Variants in CDH6 observed in about 807,000 individuals in gnomAD.
CDH6 encodes cadherin 6, also known as cadherin-6.
A neutral mutation model predicts 78.0 loss-of-function variants in CDH6; 31 were observed. That is an observed-to-expected ratio of 0.40 (90% CI 0.30 to 0.54). CDH6 has a LOEUF of 0.54. CDH6 is among the 20% of genes least tolerant of loss of function. The probability of loss-of-function intolerance (pLI) is 0.56; values close to 1 mark genes in which losing one functional copy is unlikely to be tolerated. For synonymous variants in CDH6, 376 were observed against 368.8 expected (o/e 1.02, Z -0.23); for missense variants, 724 against 975.9 (o/e 0.74, Z 3.44).
intron 1 of CDH6, among the ~76,000 whole-genome samples, chr5:31,244,933 G>A (rs887452259): frequency 6.6e-6 from 1 of 152,204 alleles, no homozygotes; most frequent in Admixed American, 6.6e-5. Flanking sequence ...ACAAACAGCA[G>A]CTTGAACAGC....
intron 2 of CDH6, among the ~76,000 whole-genome samples, chr5:31,278,446 G>A (rs891634178): frequency 2.0e-5 from 3 of 152,124 alleles, no homozygotes; most frequent in Non-Finnish European, 4.4e-5. Context: ...ATGAAAGCTG[G>A]TTCCTTTGAG....
intron 1 of CDH6, chr5:31,249,478 C>CA (rs1245291634): frequency 2.6e-5 from 4 of 152,178 alleles, no homozygotes; most frequent in Admixed American, 6.5e-5. Flanking sequence ...AGTACACCTA[C>CA]AAGGAGAGTT....
intron 2 of CDH6, among the ~76,000 whole-genome samples, chr5:31,292,088 CT>C (rs1213900227): frequency 6.6e-6 from 1 of 152,216 alleles, no homozygotes; most frequent in Non-Finnish European, 1.5e-5. Flanking sequence ...TCTTCAGACT[CT>C]TTTCCCATGA....
chr5:31,304,701 A>G (rs1008421121), intron 6 of CDH6, among the ~76,000 whole-genome samples: 8 of 151,438 alleles, frequency 5.3e-5, no homozygotes, highest in African/African-American at 1.9e-4. Flanking sequence ...AAAAAAAAAA[A>G]AAAAGCCAGA....
At chr5:31,285,929 T>C (rs184476169) in intron 2 of CDH6, among the ~76,000 whole-genome samples, 88 of 152,334 alleles carry the variant, frequency 5.8e-4, no homozygotes, top group African/African-American at 2.0e-3. Context: ...GATTAGACCA[T>C]GTGTCTAATG....
intron 1 of CDH6, among the ~76,000 whole-genome samples, chr5:31,198,706 A>G (rs1044099525): frequency 1.3e-5 from 2 of 152,122 alleles, no homozygotes; most frequent in East Asian, 3.8e-4. Context: ...CAGCAGAGGG[A>G]AACATAAGAA....
chr5:31,256,904 G>A (rs1742070272), intron 1 of CDH6, among the ~76,000 whole-genome samples: 1 of 152,154 alleles, frequency 6.6e-6, no homozygotes, highest in African/African-American at 2.4e-5. Flanking sequence ...AACAAGAGCC[G>A]AGAGAGGTGG....
At chr5:31,254,886 T>C (rs986539427) in intron 1 of CDH6, among the ~76,000 whole-genome samples, 12 of 152,204 alleles carry the variant, frequency 7.9e-5, no homozygotes, top group Non-Finnish European at 1.2e-4. Context: ...GTAATCATCA[T>C]TAACAAATGG....
At chr5:31,304,608 C>T (rs771690683) in intron 6 of CDH6, among the ~76,000 whole-genome samples, 23 of 149,320 alleles carry the variant, frequency 1.5e-4, no homozygotes, top group Non-Finnish European at 3.4e-4. Flanking sequence ...TCACTTGAAT[C>T]CGGGAGGCAG....
intron 1 of CDH6, among the ~76,000 whole-genome samples, chr5:31,224,456 T>C (rs1465996345): frequency 6.6e-6 from 1 of 152,118 alleles, no homozygotes; most frequent in Admixed American, 6.5e-5. Flanking sequence ...AACTTAAACT[T>C]TGAGAGTTTA....
At position 31,248,292 on chromosome 5, in the gene CDH6, T is replaced by C. The variant is rs1013140420; in HGVS notation, c.-128-19054T>C. Among the ~76,000 whole-genome samples the C allele has an allele frequency of 2.0e-5, 3 of 152,266 alleles. No individual in the cohort carries two copies. In the East Asian group the frequency reaches 5.8e-4, roughly 29 times the overall value. ...CTGTGAACTAAAGCTGGTAATGACT[T>C]GGGGGAAGCAAAACCACCTCTCTGT... On this transcript the variant is annotated intron_variant, in intron 1 of 11. Transcript: ENST00000265071.
chr5:31,272,241 T>C (rs1050157668), intron 2 of CDH6, among the ~76,000 whole-genome samples: 1 of 152,128 alleles, frequency 6.6e-6, no homozygotes, highest in African/African-American at 2.4e-5. Flanking sequence ...GTGAGAGATT[T>C]AGAGATTGAA....
At chr5:31,242,710 G>A (rs1741639707) in intron 1 of CDH6, among the ~76,000 whole-genome samples, 1 of 150,236 alleles carries the variant, frequency 6.7e-6, no homozygotes, top group South Asian at 2.2e-4. Flanking sequence ...ATGGGGGGGG[G>A]CGGTTAGAAG....
At chr5:31,200,519 T>C (rs1251408306) in intron 1 of CDH6, among the ~76,000 whole-genome samples, 1 of 151,682 alleles carries the variant, frequency 6.6e-6, no homozygotes, top group Non-Finnish European at 1.5e-5. Context: ...ACTATCACAA[T>C]TTGGTATTTG....
chr5:31,272,667 G>A (rs957095454), intron 2 of CDH6, among the ~76,000 whole-genome samples: 5 of 152,166 alleles, frequency 3.3e-5, no homozygotes, highest in Admixed American at 2.0e-4. Flanking sequence ...AACAGCTACA[G>A]CAACACTTAA....
chr5:31,212,841 G>C (rs555041742), intron 1 of CDH6, among the ~76,000 whole-genome samples: 2 of 152,010 alleles, frequency 1.3e-5, no homozygotes, highest in African/African-American at 4.8e-5. Flanking sequence ...TATAATTCTA[G>C]AAATCAAGGC....
intron 1 of CDH6, among the ~76,000 whole-genome samples, chr5:31,194,656 G>A (rs113534920): frequency 1.4e-3 from 209 of 152,260 alleles, no homozygotes; most frequent in African/African-American, 4.4e-3. Context: ...CTCCTCCACG[G>A]CTGGCCAGGC....
At chr5:31,271,291 G>A (rs1012216713) in intron 2 of CDH6, among the ~76,000 whole-genome samples, 12 of 152,212 alleles carry the variant, frequency 7.9e-5, no homozygotes, top group Middle Eastern at 3.4e-3. Flanking sequence ...GGTGTAGAAG[G>A]GAGGAAAAAA....
intron 2 of CDH6, among the ~76,000 whole-genome samples, chr5:31,293,729 A>G (rs1356962141): frequency 3.3e-5 from 5 of 151,922 alleles, no homozygotes; most frequent in African/African-American, 1.2e-4. Context: ...AGATTACTAA[A>G]TTTTCTCCCA....
Sources: gnomAD v4.1 joint callset for allele counts (sites outside exome capture counted in the v4.1 genomes callset) on GRCh38, gnomAD v4.1.1 for gene constraint, MANE v1.5 for transcripts, NCBI Gene and HGNC (gene_info 2026-07-23, HGNC 2026-07-21) for gene names.